The following MAP3K4 variants were observed in gnomAD, a reference collection of about 807,000 sequenced individuals.
MAP3K4 encodes MAP three kinase 1.
In MAP3K4, 67 loss-of-function variants were observed where a neutral mutation model predicts 185.6. The ratio of observed to expected loss-of-function variants is 0.36; its 90% CI spans 0.30 to 0.44. The LOEUF (loss-of-function observed/expected upper bound fraction) is 0.44, where lower values mean the gene tolerates loss of function less well. Ranked by LOEUF, MAP3K4 falls within the 20% of genes least tolerant of loss-of-function variation. The probability of loss-of-function intolerance (pLI) is 1.00; values close to 1 mark genes in which losing one functional copy is unlikely to be tolerated. For synonymous variants in MAP3K4, 702 were observed against 710.4 expected (o/e 0.99, Z 0.19); for missense variants, 1,551 against 1,995.1 (o/e 0.78, Z 4.24).
chr6:161,011,531 C>T (rs1781841751), intron 1 of MAP3K4, among the ~76,000 whole-genome samples: 1 of 152,026 alleles, frequency 6.6e-6, no homozygotes, highest in Admixed American at 6.6e-5. Flanking sequence ...TTTCTTTATA[C>T]TTAATTATCT....
At chr6:161,094,485 A>C (rs1370415208) in intron 15 of MAP3K4, among the ~76,000 whole-genome samples, 3 of 152,240 alleles carry the variant, frequency 2.0e-5, no homozygotes, top group Non-Finnish European at 4.4e-5. Context: ...AATATATGTC[A>C]AAAAAAGCTG....
At position 161,026,349 on chromosome 6, in the gene MAP3K4, A is replaced by G. The variant is rs532577329; in HGVS notation, c.153-7910A>G. The stretch of plus-strand genomic sequence containing the variant: ...ACGGGGTTTCACCATGTTAGCCAGG[A>G]TGGTCTTGATCTTCTGACCTCGTGA... On this transcript the variant is annotated intron_variant, in intron 1 of 26. Coordinates refer to ENST00000392142, the MANE Select transcript of MAP3K4 (RefSeq NM_005922.4). Among the ~76,000 whole-genome samples, 8 of 151,524 alleles carry G rather than the reference A, an allele frequency of 5.3e-5. No individual in the cohort carries two copies. The East Asian group carries it at 1.6e-3, about 30-fold the overall frequency.
intron 1 of MAP3K4, among the ~76,000 whole-genome samples, chr6:161,002,107 G>A (rs1182984478): frequency 8.4e-6 from 1 of 119,474 alleles, no homozygotes; most frequent in Non-Finnish European, 1.7e-5. Context: ...TCTTACTTTA[G>A]TTGTGGTTTA....
At position 161,017,549 on chromosome 6, in the gene MAP3K4, T is replaced by G. The variant is rs1782172494; in HGVS notation, c.153-16710T>G. Among the ~76,000 whole-genome samples the G allele has an allele frequency of 6.6e-6, 1 of 152,126 alleles. No individual in the cohort carries two copies. The highest frequency in any genetic ancestry group is 1.5e-5 in the Non-Finnish European group (1 of 68,016). On this transcript the variant is annotated intron_variant, in intron 1 of 26. Transcript: ENST00000392142. The surrounding 1 kb of genome is among the most constrained non-coding windows in gnomAD (Gnocchi z 5.1). The stretch of plus-strand genomic sequence containing the variant: ...AGTTTTTATATGCCTAAAAATTAGG[T>G]CCACAAAAAATCTTTGTGATCTTTT...
intron 1 of MAP3K4, among the ~76,000 whole-genome samples, chr6:161,020,614 C>G (rs1328034715): frequency 6.8e-6 from 1 of 147,740 alleles, no homozygotes; most frequent in East Asian, 2.0e-4. Flanking sequence ...GCCGAGATCG[C>G]ACCACTGCAC....
rs939590084 is a variant in MAP3K4 at position 161,098,927 on chromosome 6, A to G, written c.3674+500A>G. ...TGAGTTCATGGGGTTTGTATGTCAT[A>G]TGGAGAACAGATCAGTACTTGAGAG... On this transcript the variant is annotated intron_variant, in intron 17 of 26. Transcript: ENST00000392142. The surrounding 1 kb of genome is among the most constrained non-coding windows in gnomAD (Gnocchi z 4.4). Among the ~76,000 whole-genome samples the G allele has an allele frequency of 2.0e-5, 3 of 152,244 alleles. No homozygotes were observed. The highest frequency in any genetic ancestry group is 7.2e-5 in the African/African-American group (3 of 41,474).
At chr6:161,016,004 A>C (rs1014397882) in intron 1 of MAP3K4, among the ~76,000 whole-genome samples, 1 of 152,210 alleles carries the variant, frequency 6.6e-6, no homozygotes, top group Non-Finnish European at 1.5e-5. Flanking sequence ...TAATACTGCT[A>C]TATAAATTCA....
intron 1 of MAP3K4, among the ~76,000 whole-genome samples, chr6:161,023,491 A>T (rs1489672474): frequency 2.6e-5 from 4 of 152,234 alleles, no homozygotes; most frequent in Non-Finnish European, 5.9e-5. Context: ...ATGAGGATGG[A>T]AGAGCAGAAT....
intron 1 of MAP3K4, among the ~76,000 whole-genome samples, chr6:161,026,922 A>G (rs1334429910): frequency 6.6e-6 from 1 of 151,946 alleles, no homozygotes; most frequent in African/African-American, 2.4e-5. Flanking sequence ...TCTAATGATG[A>G]GTAAAAGTTT....
rs770081523 is a variant in MAP3K4 at position 161,076,841 on chromosome 6, G to T, written c.2097+3229G>T. Among the ~76,000 whole-genome samples the T allele has an allele frequency of 6.6e-6, 1 of 152,176 alleles. No individual in the cohort carries two copies. Among genetic ancestry groups the T allele is most frequent in the Non-Finnish European group, 1.5e-5 (1 of 68,042 alleles). On this transcript the variant is annotated intron_variant, in intron 5 of 26. Transcript: ENST00000392142. This position sits in a 1 kb window ranked among gnomAD's most constrained non-coding sequence, Gnocchi z 4.2. ...GTGTGCCAGGCAGGCACCATGCGGG[G>T]ACCAAGGAACTAGTGCCGAGCGTAA... is the stretch of plus-strand genomic sequence containing the variant.
rs1231071287 is a variant in MAP3K4, at chr6:161,100,873, A to G, written c.3675-1019A>G. ...GATAGTGCCGAATTTTTTATGAACT[A>G]TATGGCAGTAGAAATGTCCCCATCA... On this transcript the variant is annotated intron_variant, in intron 17 of 26. Transcript: ENST00000392142. This position sits in a 1 kb window ranked among gnomAD's most constrained non-coding sequence, Gnocchi z 5.8. Among the ~76,000 whole-genome samples, 4 of 152,130 alleles carry G rather than the reference A, an allele frequency of 2.6e-5. No homozygotes were observed. The highest frequency in any genetic ancestry group is 9.7e-5 in the African/African-American group (4 of 41,426).
intron 1 of MAP3K4, among the ~76,000 whole-genome samples, chr6:160,998,374 C>T (rs148513402): frequency 1.3e-5 from 2 of 152,206 alleles, no homozygotes; most frequent in East Asian, 1.9e-4. Flanking sequence ...TTATGATGAA[C>T]GTGTTACACA....
intron 1 of MAP3K4, among the ~76,000 whole-genome samples, chr6:161,013,612 T>G (rs915802840): frequency 6.6e-6 from 1 of 152,154 alleles, no homozygotes; most frequent in African/African-American, 2.4e-5. Flanking sequence ...AGGAAAGAAT[T>G]CAGGGGCACA....
In MAP3K4 at chr6:161,108,648, A is replaced by C. The variant is rs73784792; in HGVS notation, c.4120-95A>C. The C allele has an allele frequency of 7.6e-3, 5,688 of 748,312 alleles. 164 individuals are homozygous for C. In the African/African-American group the frequency reaches 0.076, roughly 10 times the overall value. 46.4% of individuals were successfully genotyped at this position (748,312 alleles called of 1,614,324 possible). The stretch of plus-strand genomic sequence containing the variant: ...TTTAATTGACAAATCATGATTACAT[A>C]TATTTATGGGGTGCAAAATGATGTT... On this transcript the variant is annotated intron_variant, in intron 21 of 26. Coordinates refer to ENST00000392142, the MANE Select transcript of MAP3K4 (RefSeq NM_005922.4). This position sits in a 1 kb window ranked among gnomAD's most constrained non-coding sequence, Gnocchi z 5.7.
intron 2 of MAP3K4, among the ~76,000 whole-genome samples, chr6:161,046,166 A>G (rs1212602885): frequency 1.3e-5 from 2 of 152,172 alleles, no homozygotes; most frequent in African/African-American, 4.8e-5. Flanking sequence ...TACAATGTAT[A>G]TGTCATTTTG....
At position 161,049,965 on chromosome 6, in the gene MAP3K4, G is replaced by A. The variant is rs752499459; in HGVS notation, c.1693G>A (p.Asp565Asn). The A allele has an allele frequency of 8.7e-6, 14 of 1,608,416 alleles. No homozygotes were observed. The highest frequency in any genetic ancestry group is 1.1e-5 in the Non-Finnish European group (13 of 1,177,288). ...GGCACGTATAGCATTGGTAAAGAAC[G>A]ATCGTCCAGTGGAGGTAGGTTTCCA... is the stretch of plus-strand genomic sequence containing the variant. Reference protein sequence around the residue: ...QRARIALVKNDRPVEFSEFPD... With the variant: ...QRARIALVKNNRPVEFSEFPD... Residue 565 changes from aspartate (D) to asparagine (N), a missense_variant, in exon 3 of 27, where the codon GAT becomes AAT. Physicochemically the swap from Asp to Asn is conservative, Grantham distance 23. Coordinates refer to ENST00000392142, the MANE Select transcript of MAP3K4 (RefSeq NM_005922.4). The surrounding 1 kb of genome is among the most constrained non-coding windows in gnomAD (Gnocchi z 8.4).
At chr6:161,005,362 A>G (rs1781536911) in intron 1 of MAP3K4, among the ~76,000 whole-genome samples, 1 of 151,728 alleles carries the variant, frequency 6.6e-6, no homozygotes, top group Non-Finnish European at 1.5e-5. Context: ...CTGGTCTCGA[A>G]CTCCTGGGCT....
In MAP3K4 at chr6:161,116,100, G is replaced by C. The variant is rs1778582789; in HGVS notation, c.4807-750G>C. ...CCGTGGCTGACCCCTGATTGGATGT[G>C]AAAGGTGAGTGAGGGGAGGAGTCTA... is the stretch of plus-strand genomic sequence containing the variant. On this transcript the variant is annotated intron_variant, in intron 26 of 26. Transcript: ENST00000392142. The surrounding 1 kb of genome is among the most constrained non-coding windows in gnomAD (Gnocchi z 6.2). Among the ~76,000 whole-genome samples the C allele has an allele frequency of 1.3e-5, 2 of 152,068 alleles. No individual in the cohort carries two copies. The highest frequency in any genetic ancestry group is 1.3e-4 in the Admixed American group (2 of 15,266).
intron 2 of MAP3K4, among the ~76,000 whole-genome samples, chr6:161,036,817 A>G (rs1026320510): frequency 6.6e-6 from 1 of 152,210 alleles, no homozygotes; most frequent in African/African-American, 2.4e-5. Context: ...CCTTTTGAAT[A>G]CAGACATGAT....
Sources: allele counts gnomAD v4.1 joint callset (sites outside exome capture counted in the v4.1 genomes callset), GRCh38; gene constraint gnomAD v4.1.1; non-coding constraint Gnocchi (gnomAD v3.1); transcripts MANE v1.5; gene names NCBI Gene and HGNC (gene_info 2026-07-23, HGNC 2026-07-21).